Variants in C1orf21 observed in about 807,000 individuals in gnomAD.
C1orf21 encodes uncharacterized protein C1orf21.
In C1orf21, 3 loss-of-function variants were observed where a neutral mutation model predicts 18.7. The observed-to-expected ratio is 0.16, with a 90% CI of 0.07 to 0.42. The LOEUF (loss-of-function observed/expected upper bound fraction) is 0.42, where lower values mean the gene tolerates loss of function less well. Ranked by LOEUF, C1orf21 falls within the 10% of genes least tolerant of loss-of-function variation. The pLI is 0.99. For synonymous variants in C1orf21, 41 were observed against 46.4 expected (o/e 0.88, Z 0.47); for missense variants, 104 against 143.6 (o/e 0.72, Z 1.41).
chr1:184,411,642 T>A (rs1048929890), intron 1 of C1orf21, among the ~76,000 whole-genome samples: 2 of 152,166 alleles, frequency 1.3e-5, no homozygotes, highest in African/African-American at 4.8e-5. Flanking sequence ...CAGGATGGTC[T>A]GGATCTCCTG....
chr1:184,461,318 T>C (rs1657304882), intron 1 of C1orf21, among the ~76,000 whole-genome samples: 1 of 152,204 alleles, frequency 6.6e-6, no homozygotes, highest in African/African-American at 2.4e-5. Flanking sequence ...CAAAATTCAG[T>C]AAGTCCAAGA....
intron 1 of C1orf21, among the ~76,000 whole-genome samples, chr1:184,423,722 CCTT>C (rs1169160122): frequency 6.6e-6 from 1 of 151,954 alleles, no homozygotes; most frequent in African/African-American, 2.4e-5. Flanking sequence ...TTAAGCAGCT[CCTT>C]CTTTCCTTTC....
chr1:184,570,289 T>C (rs1276162055), intron 3 of C1orf21, among the ~76,000 whole-genome samples: 2 of 152,188 alleles, frequency 1.3e-5, no homozygotes. Flanking sequence ...TGTTTGAATG[T>C]TTAAATAATG....
intron 1 of C1orf21, among the ~76,000 whole-genome samples, chr1:184,430,494 A>G (rs1656723145): frequency 6.6e-6 from 1 of 152,250 alleles, no homozygotes; most frequent in Non-Finnish European, 1.5e-5. Flanking sequence ...TATAATTTGT[A>G]TCTTCATTAG....
intron 1 of C1orf21, among the ~76,000 whole-genome samples, chr1:184,472,719 T>C (rs1307045702): frequency 6.6e-6 from 1 of 152,228 alleles, no homozygotes; most frequent in African/African-American, 2.4e-5. Flanking sequence ...AGAATTATTA[T>C]AATCTTTCCT....
chr1:184,546,482 T>G (rs1205270980), intron 3 of C1orf21, among the ~76,000 whole-genome samples: 3 of 152,168 alleles, frequency 2.0e-5, no homozygotes, highest in Non-Finnish European at 4.4e-5. Flanking sequence ...TGCCAGACCC[T>G]GTGTTAGGGA....
At chr1:184,480,906 T>A (rs1338931647) in intron 2 of C1orf21, among the ~76,000 whole-genome samples, 1 of 152,146 alleles carries the variant, frequency 6.6e-6, no homozygotes, top group African/African-American at 2.4e-5. Context: ...TATAGTGGCC[T>A]TTGTCTCAAG....
chr1:184,393,468 A>G (rs972553473), intron 1 of C1orf21, among the ~76,000 whole-genome samples: 1 of 152,232 alleles, frequency 6.6e-6, no homozygotes, highest in African/African-American at 2.4e-5. Context: ...ATGAGTTGAC[A>G]TCCACATACT....
intron 1 of C1orf21, among the ~76,000 whole-genome samples, chr1:184,410,641 ATATATATATATATATATATATAT>A (rs1474809616): frequency 0.017 from 74 of 4,380 alleles, 14 homozygotes; most frequent in Non-Finnish European, 0.021. Context: ...ATATATATAT[ATATATATATATATATATATATAT>A]TTTTTTTTTT....
intron 1 of C1orf21, among the ~76,000 whole-genome samples, chr1:184,389,663 G>T (rs1252439461): frequency 6.6e-6 from 1 of 152,222 alleles, no homozygotes; most frequent in Non-Finnish European, 1.5e-5. Flanking sequence ...TCATGCCTCA[G>T]TACTGTGTTG....
chr1:184,461,746 C>T (rs565689014), intron 1 of C1orf21, among the ~76,000 whole-genome samples: 13 of 152,224 alleles, frequency 8.5e-5, no homozygotes, highest in Middle Eastern at 6.8e-3. Flanking sequence ...AACAAATGAT[C>T]ATGTCACCCT....
At chr1:184,501,501 C>G (rs1317556486) in intron 2 of C1orf21, among the ~76,000 whole-genome samples, 2 of 152,154 alleles carry the variant, frequency 1.3e-5, no homozygotes, top group African/African-American at 4.8e-5. Context: ...AACCACCACC[C>G]CCACATGTGC....
chr1:184,465,531 G>A (rs16823210), intron 1 of C1orf21, among the ~76,000 whole-genome samples: 24,212 of 152,160 alleles, frequency 0.16, 2,171 homozygotes, highest in African/African-American at 0.21. Flanking sequence ...TCTTGGAATT[G>A]GAAAATGCAT....
At chr1:184,588,874 T>G (rs1659398037) in intron 3 of C1orf21, among the ~76,000 whole-genome samples, 1 of 152,176 alleles carries the variant, frequency 6.6e-6, no homozygotes, top group Admixed American at 6.5e-5. Flanking sequence ...TGTCTCACTT[T>G]TGGCCCTGGA....
In C1orf21 at chr1:184,623,418, C is replaced by T. The variant is rs1187851975; in HGVS notation, c.*3862C>T. 4 of 152,136 alleles carry T rather than the reference C, an allele frequency of 2.6e-5. No individual in the cohort carries two copies. The highest frequency in any genetic ancestry group is 4.8e-5 in the African/African-American group (2 of 41,428). 9.4% of individuals were successfully genotyped at this position (152,136 alleles called of 1,614,324 possible). A position where few individuals can be genotyped will look rare whatever the true frequency, so the allele number is the denominator to read the frequency against. On this transcript the variant is annotated 3_prime_UTR_variant, in exon 6 of 6. Coordinates refer to ENST00000235307, the MANE Select transcript of C1orf21 (RefSeq NM_030806.4). ...CATAAGATCTGCCTTCCACACTTCCCTGCTGGAAGGCATTCTCAGAGCTTT... is the reference window on the plus strand; with the variant it reads ...CATAAGATCTGCCTTCCACACTTCCTTGCTGGAAGGCATTCTCAGAGCTTT...
intron 3 of C1orf21, among the ~76,000 whole-genome samples, chr1:184,528,569 C>G (rs1172487879): frequency 6.6e-6 from 1 of 152,180 alleles, no homozygotes; most frequent in Non-Finnish European, 1.5e-5. Flanking sequence ...CTCAGCCTCC[C>G]GAGGTGCTGA....
Position 184,496,689 on chromosome 1 carries a change from A to G in C1orf21, c.95-10899A>G, listed in dbSNP as rs568611999. On this transcript the variant is annotated intron_variant, in intron 2 of 5. Coordinates refer to ENST00000235307, the MANE Select transcript of C1orf21 (RefSeq NM_030806.4). ...CTCAGAAGAGCAGCTCTCCGCTTGA[A>G]AGAAGACAGTAGAGAAGATGTGCTA... Among the ~76,000 whole-genome samples the G allele has an allele frequency of 1.9e-3, 289 of 152,324 alleles. 1 individual carries two copies. Among genetic ancestry groups the G allele is most frequent in the Admixed American group, 5.6e-3 (86 of 15,304 alleles).
At chr1:184,516,386 T>C (rs1658229418) in intron 3 of C1orf21, among the ~76,000 whole-genome samples, 1 of 152,216 alleles carries the variant, frequency 6.6e-6, no homozygotes, top group Admixed American at 6.5e-5. Flanking sequence ...CCCGCACCTA[T>C]GGAGCTTATG....
At chr1:184,489,739 T>A (rs966462340) in intron 2 of C1orf21, among the ~76,000 whole-genome samples, 1 of 152,212 alleles carries the variant, frequency 6.6e-6, no homozygotes, top group Non-Finnish European at 1.5e-5. Context: ...GTAAAGGGAT[T>A]TTATGCAGCA....
Sources: gnomAD v4.1 joint callset for allele counts (sites outside exome capture counted in the v4.1 genomes callset) on GRCh38, gnomAD v4.1.1 for gene constraint, MANE v1.5 for transcripts, NCBI Gene and HGNC (gene_info 2026-07-23, HGNC 2026-07-21) for gene names.